YPEL1: variants seen among roughly 807,000 people sequenced by gnomAD.
YPEL1 encodes the protein protein yippee-like 1.
YPEL1 carries 7 observed loss-of-function variants against 17.3 expected under a neutral mutation model. The observed-to-expected ratio is 0.40, with a 90% CI of 0.23 to 0.76. YPEL1 has a LOEUF of 0.76. YPEL1 is among the 30% of genes least tolerant of loss of function. The pLI is 0.35. For missense variants in YPEL1, 91 were observed against 155.5 expected, an observed-to-expected ratio of 0.59 and a Z score of 2.21; for synonymous variants, 59 against 59.6, an observed-to-expected ratio of 0.99 and a Z score of 0.05.
intron 1 of YPEL1, among the ~76,000 whole-genome samples, chr22:21,723,913 C>T (rs1482132708): frequency 7.2e-5 from 11 of 152,086 alleles, no homozygotes; most frequent in Non-Finnish European, 1.3e-4. Context: ...GTGATCCACC[C>T]GCCTTGGCCT....
chr22:21,727,662 C>T (rs568288764), intron 1 of YPEL1, among the ~76,000 whole-genome samples: 1 of 152,220 alleles, frequency 6.6e-6, no homozygotes, highest in Non-Finnish European at 1.5e-5. Context: ...AAGACAAACA[C>T]ACTGAGGAAG....
chr22:21,706,297 T>TG (rs1453275795), intron 2 of YPEL1, among the ~76,000 whole-genome samples: 1 of 145,106 alleles, frequency 6.9e-6, no homozygotes, highest in African/African-American at 2.6e-5. Context: ...GGCATGGTGG[T>TG]GCGTGCCTAT....
intron 1 of YPEL1, among the ~76,000 whole-genome samples, chr22:21,713,003 G>A (rs552077113): frequency 2.0e-4 from 30 of 152,220 alleles, no homozygotes; most frequent in South Asian, 1.7e-3. Flanking sequence ...CCACAAGCAC[G>A]TGAAAAGGTG....
At position 21,703,993 on chromosome 22, in the gene YPEL1, G is replaced by T; in HGVS notation, c.118-111C>A. Reference sequence around the variant, plus strand: ...GCGGCTGTTAGCTGCGCCGGGACGCGTCACCGGGAGCAGACACCGGCGTCC... The same window carrying T: ...GCGGCTGTTAGCTGCGCCGGGACGCTTCACCGGGAGCAGACACCGGCGTCC... On this transcript the variant is annotated intron_variant, in intron 2 of 4. Transcript: ENST00000339468. The surrounding 1 kb of genome is among the most constrained non-coding windows in gnomAD (Gnocchi z 6.1). The T allele has an allele frequency of 8.2e-7, 1 of 1,220,950 alleles. No individual in the cohort carries two copies. Among genetic ancestry groups the T allele is most frequent in the Non-Finnish European group, 1.2e-6 (1 of 845,166 alleles). The allele number at this position is 1,220,950 out of a possible 1,614,324, so 75.6% of individuals were successfully genotyped here. A position where few individuals can be genotyped will look rare whatever the true frequency, so the allele number is the denominator to read the frequency against.
intron 1 of YPEL1, among the ~76,000 whole-genome samples, chr22:21,715,821 T>C (rs1384315702): frequency 7.2e-6 from 1 of 139,178 alleles, no homozygotes; most frequent in African/African-American, 2.5e-5. Context: ...TGGAGTGCAA[T>C]GGCACGATCT....
chr22:21,717,791 C>G (rs190603799), intron 1 of YPEL1, among the ~76,000 whole-genome samples: 1 of 152,260 alleles, frequency 6.6e-6, no homozygotes, highest in Non-Finnish European at 1.5e-5. Flanking sequence ...AAGATAATAA[C>G]TGATATCTCA....
chr22:21,708,204 T>TC (rs1304877155), intron 2 of YPEL1, among the ~76,000 whole-genome samples: 2 of 151,972 alleles, frequency 1.3e-5, no homozygotes, highest in Non-Finnish European at 2.9e-5. Context: ...GCCCGGCCCA[T>TC]CACCCATGGA....
At chr22:21,734,784 T>C (rs766090659) in intron 1 of YPEL1, among the ~76,000 whole-genome samples, 17 of 152,052 alleles carry the variant, frequency 1.1e-4, no homozygotes, top group Non-Finnish European at 2.4e-4. Flanking sequence ...GCCTGGAAAG[T>C]CTCCCCAGTG....
intron 1 of YPEL1, among the ~76,000 whole-genome samples, chr22:21,734,282 A>T (rs926622532): frequency 6.6e-6 from 1 of 152,224 alleles, no homozygotes; most frequent in Non-Finnish European, 1.5e-5. Flanking sequence ...AAAAGGCTTA[A>T]TACCCACAGT....
intron 2 of YPEL1, among the ~76,000 whole-genome samples, chr22:21,704,783 G>A (rs968208167): frequency 2.6e-5 from 4 of 151,988 alleles, no homozygotes; most frequent in Middle Eastern, 3.4e-3. Context: ...GTATATTCAC[G>A]TATGCTAAGA....
intron 1 of YPEL1, among the ~76,000 whole-genome samples, chr22:21,713,977 G>A (rs1601631779): frequency 6.6e-6 from 1 of 152,234 alleles, no homozygotes; most frequent in East Asian, 1.9e-4. Flanking sequence ...CGAGAGCACG[G>A]GGCTGGGAAG....
At chr22:21,717,159 C>CTT (rs747451801) in intron 1 of YPEL1, among the ~76,000 whole-genome samples, 7 of 151,294 alleles carry the variant, frequency 4.6e-5, no homozygotes, top group Non-Finnish European at 1.0e-4. Context: ...GGGCGGATCA[C>CTT]AAGGTCAGGA....
chr22:21,710,711 C>T lies in YPEL1; in HGVS notation c.34G>A (p.Ala12Thr). The change falls in exon 2 of 5, where the codon GCG (alanine) becomes ACG (threonine). Residue 12 changes from alanine (A) to threonine (T), a missense_variant. By Grantham distance (58) the Ala-to-Thr change is moderately conservative (BLOSUM62 0). Coordinates refer to ENST00000339468, the MANE Select transcript of YPEL1 (RefSeq NM_013313.5). ...GTTCGGTGACAGTTCGGCAGATACG[C>T]TTGGAAAGTTTTGGACTTTGTCATT... ...VKMTKSKTFQ[A>T]YLPNCHRTYS... The T allele has an allele frequency of 6.2e-7, 1 of 1,614,234 alleles. No individual in the cohort carries two copies. Among genetic ancestry groups the T allele is most frequent in the African/African-American group, 1.3e-5 (1 of 75,058 alleles).
At chr22:21,708,099 C>G (rs2148599211) in intron 2 of YPEL1, among the ~76,000 whole-genome samples, 1 of 151,878 alleles carries the variant, frequency 6.6e-6, no homozygotes, top group Middle Eastern at 3.4e-3. Flanking sequence ...GGATTCTGTT[C>G]TGCGTGGCAG....
chr22:21,732,991 C>T (rs1382276473), intron 1 of YPEL1, among the ~76,000 whole-genome samples: 4 of 152,014 alleles, frequency 2.6e-5, no homozygotes, highest in Non-Finnish European at 5.9e-5. Flanking sequence ...TGGTGCACAC[C>T]CACAGTCCCA....
At chr22:21,727,977 G>A (rs965183844) in intron 1 of YPEL1, among the ~76,000 whole-genome samples, 2 of 152,190 alleles carry the variant, frequency 1.3e-5, no homozygotes, top group African/African-American at 4.8e-5. Context: ...CTGCAAAGCT[G>A]GAGGAGAACT....
chr22:21,704,138 A>G (rs557322070), intron 2 of YPEL1: 1 of 718,388 alleles, frequency 1.4e-6, no homozygotes, highest in East Asian at 2.7e-5. Context: ...ATTATTGGGA[A>G]TCATGGCAAG....
rs1252726830 is a variant in YPEL1, at chr22:21,704,243, C to A, written c.118-361G>T. The A allele has an allele frequency of 7.0e-6, 5 of 709,550 alleles. No individual in the cohort carries two copies. The East Asian group carries it at 1.3e-4, about 19-fold the overall frequency. The allele number at this position is 709,550 out of a possible 1,614,324, so 44.0% of individuals were successfully genotyped here. On this transcript the variant is annotated intron_variant, in intron 2 of 4. Coordinates refer to ENST00000339468, the MANE Select transcript of YPEL1 (RefSeq NM_013313.5). ...ACGAATGATTTTCTCTACCCGAAAA[C>A]CCACAGATCCTCAAAATGCTCTCCT...
At chr22:21,721,247 G>A (rs903806148) in intron 1 of YPEL1, among the ~76,000 whole-genome samples, 2 of 151,716 alleles carry the variant, frequency 1.3e-5, no homozygotes, top group African/African-American at 2.4e-5. Context: ...TGAGTAGCTG[G>A]GATTACAGGC....
Sources: allele counts gnomAD v4.1 joint callset (sites outside exome capture counted in the v4.1 genomes callset), GRCh38; gene constraint gnomAD v4.1.1; non-coding constraint Gnocchi (gnomAD v3.1); transcripts MANE v1.5; gene names NCBI Gene and HGNC (gene_info 2026-07-23, HGNC 2026-07-21).